The following CPNE4 variants were observed in gnomAD, a reference collection of about 807,000 sequenced individuals.
CPNE4 encodes the protein copine-4.
Under a neutral mutation model 67.9 loss-of-function variants are expected in CPNE4, and 25 were observed. The observed-to-expected ratio is 0.37, with a 90% CI of 0.27 to 0.51. The LOEUF is 0.51. Ranked by LOEUF, CPNE4 falls within the 20% of genes least tolerant of loss-of-function variation. CPNE4 has a pLI of 0.93. For missense variants in CPNE4, 464 were observed against 690.8 expected, an observed-to-expected ratio of 0.67 and a Z score of 3.68; for synonymous variants, 242 against 244.9, an observed-to-expected ratio of 0.99 and a Z score of 0.11.
At position 132,034,883 on chromosome 3, in the gene CPNE4, A is replaced by G. The variant is rs1418365875; in HGVS notation, c.-318T>C. On this transcript the variant is annotated 5_prime_UTR_variant, in exon 1 of 16. Coordinates refer to ENST00000429747, the MANE Select transcript of CPNE4 (RefSeq NM_130808.3). ...TCAGTTAACTCGGAGAGTAAAGAGG[A>G]GGGTACTGAGAAAAGAGGGAGGGAG... 3.0e-6 allele frequency: 3 copies of G among 984,876 alleles called. No homozygotes were observed. The highest frequency in any genetic ancestry group is 2.4e-6 in the Non-Finnish European group (2 of 829,862). 61.0% of individuals were successfully genotyped at this position (984,876 alleles called of 1,614,324 possible). A position where few individuals can be genotyped will look rare whatever the true frequency, so the allele number is the denominator to read the frequency against.
In CPNE4 at chr3:131,612,028, A is replaced by G. The variant is rs572234000; in HGVS notation, c.682-24446T>C. Among the ~76,000 whole-genome samples, 3 of 152,276 alleles carry G rather than the reference A, an allele frequency of 2.0e-5. No homozygotes were observed. The South Asian group carries it at 6.2e-4, about 32-fold the overall frequency. On this transcript the variant is annotated intron_variant, in intron 7 of 15. Transcript: ENST00000429747. The stretch of plus-strand genomic sequence containing the variant: ...AGCTATTTGTAACTTTAGAAACTCC[A>G]GGTTTTGTGTGACCAAAAGGAAGAC...
At chr3:131,995,783 C>T (rs2073276357) in intron 1 of CPNE4, among the ~76,000 whole-genome samples, 1 of 152,182 alleles carries the variant, frequency 6.6e-6, no homozygotes, top group African/African-American at 2.4e-5. Context: ...TCTCACAAGT[C>T]TATTATCTCG....
At chr3:131,586,224 T>C (rs1394570288) in intron 8 of CPNE4, among the ~76,000 whole-genome samples, 1 of 152,166 alleles carries the variant, frequency 6.6e-6, no homozygotes. Flanking sequence ...TTCTGCTCCA[T>C]GAGGACAGTG....
At chr3:131,831,117 GCTAAAAATCC>G (rs2085352198) in intron 2 of CPNE4, among the ~76,000 whole-genome samples, 1 of 151,748 alleles carries the variant, frequency 6.6e-6, no homozygotes, top group South Asian at 2.1e-4. Flanking sequence ...ATATAACATT[GCTAAAAATCC>G]TTCAAAATGG....
intron 4 of CPNE4, among the ~76,000 whole-genome samples, chr3:131,698,279 T>C (rs2081207543): frequency 7.0e-6 from 1 of 142,324 alleles, no homozygotes; most frequent in Non-Finnish European, 1.5e-5. Flanking sequence ...GATCAAACTT[T>C]TCTTGGATAT....
At chr3:131,761,361 A>G (rs2082886707) in intron 2 of CPNE4, among the ~76,000 whole-genome samples, 1 of 152,004 alleles carries the variant, frequency 6.6e-6, no homozygotes, top group African/African-American at 2.4e-5. Flanking sequence ...GACTACAGCC[A>G]TGAGCTATGA....
chr3:131,965,241 G>GA (rs1056492324), intron 1 of CPNE4, among the ~76,000 whole-genome samples: 59 of 152,194 alleles, frequency 3.9e-4, no homozygotes, highest in African/African-American at 1.4e-3. Flanking sequence ...ATATGGAAAA[G>GA]AAAAAACAGT....
intron 1 of CPNE4, among the ~76,000 whole-genome samples, chr3:131,937,144 A>C (rs2071246832): frequency 6.6e-6 from 1 of 152,092 alleles, no homozygotes; most frequent in Non-Finnish European, 1.5e-5. Flanking sequence ...CAATCAAGAA[A>C]TAAATAAATA....
At chr3:131,576,372 T>A (rs1937547911) in intron 9 of CPNE4, among the ~76,000 whole-genome samples, 1 of 152,112 alleles carries the variant, frequency 6.6e-6, no homozygotes, top group African/African-American at 2.4e-5. Flanking sequence ...TAACAGTGCT[T>A]CTGAGCACTG....
intron 3 of CPNE4, among the ~76,000 whole-genome samples, chr3:131,715,168 G>A (rs1246291447): frequency 6.6e-6 from 1 of 152,172 alleles, no homozygotes; most frequent in African/African-American, 2.4e-5. Context: ...CACCTTCTGG[G>A]TGCTGAGTTT....
intron 5 of CPNE4, among the ~76,000 whole-genome samples, chr3:131,690,588 T>C (rs1482105433): frequency 6.6e-6 from 1 of 152,160 alleles, no homozygotes; most frequent in Non-Finnish European, 1.5e-5. Flanking sequence ...ATAGAAATCC[T>C]AGAAGAGAAC....
At chr3:131,705,258 A>G (rs1411712232) in intron 3 of CPNE4, among the ~76,000 whole-genome samples, 1 of 152,124 alleles carries the variant, frequency 6.6e-6, no homozygotes, top group East Asian at 1.9e-4. Flanking sequence ...CCCCCGTCCA[A>G]CAGCAGCAGC....
intron 3 of CPNE4, among the ~76,000 whole-genome samples, chr3:131,715,992 T>A (rs1410439312): frequency 6.6e-6 from 1 of 152,140 alleles, no homozygotes; most frequent in African/African-American, 2.4e-5. Flanking sequence ...ATCCCCCTCA[T>A]CCATCTGTCA....
chr3:131,924,294 G>T (rs1425147757), intron 1 of CPNE4, among the ~76,000 whole-genome samples: 1 of 152,120 alleles, frequency 6.6e-6, no homozygotes, highest in Non-Finnish European at 1.5e-5. Context: ...GAAGGAGTGG[G>T]AGGGATAAGG....
intron 2 of CPNE4, among the ~76,000 whole-genome samples, chr3:131,880,130 A>ACAT (rs1553795781): frequency 2.0e-4 from 29 of 146,114 alleles, no homozygotes; most frequent in Non-Finnish European, 2.7e-4. Context: ...ATATATATAC[A>ACAT]TATTTTTTTT....
At chr3:131,714,161 C>A (rs1472986085) in intron 3 of CPNE4, among the ~76,000 whole-genome samples, 1 of 152,122 alleles carries the variant, frequency 6.6e-6, no homozygotes, top group Admixed American at 6.6e-5. Flanking sequence ...TGGAATCTTA[C>A]TGTGGGCATT....
chr3:131,585,627 T>A (rs1449774227), intron 8 of CPNE4, among the ~76,000 whole-genome samples: 2 of 152,162 alleles, frequency 1.3e-5, no homozygotes, highest in Non-Finnish European at 2.9e-5. Flanking sequence ...TTTCCCATAT[T>A]TACTGCTTGG....
intron 2 of CPNE4, among the ~76,000 whole-genome samples, chr3:131,819,891 G>A (rs1460983406): frequency 6.6e-6 from 1 of 152,160 alleles, no homozygotes; most frequent in African/African-American, 2.4e-5. Flanking sequence ...GGGCCCAGCT[G>A]CTCCCTCTGG....
At chr3:131,666,240 T>C (rs541664274) in intron 7 of CPNE4, among the ~76,000 whole-genome samples, 1 of 135,182 alleles carries the variant, frequency 7.4e-6, no homozygotes, top group South Asian at 2.3e-4. Context: ...TTTGGAACCA[T>C]GTAAACATTT....
Sources: allele counts gnomAD v4.1 joint callset (sites outside exome capture counted in the v4.1 genomes callset), GRCh38; gene constraint gnomAD v4.1.1; transcripts MANE v1.5; gene names NCBI Gene and HGNC (gene_info 2026-07-23, HGNC 2026-07-21).